The following KHDRBS2 variants were observed in gnomAD, a reference collection of about 807,000 sequenced individuals.
KHDRBS2 encodes the protein KH RNA binding domain containing, signal transduction associated 2.
In KHDRBS2, 26 loss-of-function variants were observed where a neutral mutation model predicts 44.3. The ratio of observed to expected loss-of-function variants is 0.59; its 90% CI spans 0.43 to 0.81. KHDRBS2 has a LOEUF of 0.81. Ranked by LOEUF, KHDRBS2 falls within the 40% of genes least tolerant of loss-of-function variation. The pLI, the probability that KHDRBS2 is intolerant of heterozygous loss-of-function variation, is 0.00. For missense variants in KHDRBS2, 476 were observed against 433.1 expected, an observed-to-expected ratio of 1.10 and a Z score of -0.88; for synonymous variants, 194 against 151.1, an observed-to-expected ratio of 1.28 and a Z score of -2.08.
intron 3 of KHDRBS2, among the ~76,000 whole-genome samples, chr6:61,983,550 A>C (rs550870431): frequency 6.6e-6 from 1 of 152,084 alleles, no homozygotes; most frequent in Admixed American, 6.5e-5. Context: ...AATTCACCAA[A>C]ATTTATAGGT....
chr6:61,753,026 A>C (rs1182245678), intron 6 of KHDRBS2, among the ~76,000 whole-genome samples: 2 of 152,312 alleles, frequency 1.3e-5, no homozygotes, highest in Admixed American at 6.5e-5. Context: ...TTTATTCATA[A>C]GCATTTTATT....
chr6:62,026,034 T>C (rs559886512), intron 3 of KHDRBS2, among the ~76,000 whole-genome samples: 1 of 152,214 alleles, frequency 6.6e-6, no homozygotes, highest in South Asian at 2.1e-4. Context: ...AGTATTCAAA[T>C]TATTGATATT....
the KHDRBS2 span, among the ~76,000 whole-genome samples, chr6:61,592,924 C>T: frequency 1.3e-5 from 2 of 152,228 alleles, no homozygotes; most frequent in South Asian, 2.1e-4. Flanking sequence ...ACAGTTGAGT[C>T]CCATTCCAGG....
rs562586294 is a variant in KHDRBS2, at chr6:62,245,369, CA to C, written c.91+40488del. 1.6e-3 allele frequency among the ~76,000 whole-genome samples: 245 copies of C among 151,792 alleles called. 1 individual carries two copies. Among genetic ancestry groups the C allele is most frequent in the Non-Finnish European group, 2.6e-3 (179 of 67,900 alleles). ...CAAAGAAAATCCTGGCTTCACTACT[CA>C]AAAAAAACCTTTGTGGATTATGTGG... On this transcript the variant is annotated intron_variant, in intron 1 of 8. Transcript: ENST00000281156.
chr6:62,120,513 C>A (rs1180759530), intron 2 of KHDRBS2, among the ~76,000 whole-genome samples: 1 of 152,090 alleles, frequency 6.6e-6, no homozygotes, highest in Non-Finnish European at 1.5e-5. Context: ...GACCAAGTGG[C>A]AGCACTCAAC....
chr6:62,274,859 T>C (rs1475912063), intron 1 of KHDRBS2, among the ~76,000 whole-genome samples: 5 of 152,092 alleles, frequency 3.3e-5, no homozygotes, highest in Admixed American at 6.6e-5. Context: ...TAAGAACCAA[T>C]TGGGTCAAGT....
intron 2 of KHDRBS2, among the ~76,000 whole-genome samples, chr6:62,173,955 A>G (rs1820586949): frequency 1.3e-5 from 2 of 151,958 alleles, no homozygotes; most frequent in Non-Finnish European, 2.9e-5. Flanking sequence ...CAGCCAACAT[A>G]CTGAATGGGC....
In KHDRBS2 at chr6:62,260,703, T is replaced by C. The variant is rs553721270; in HGVS notation, c.91+25155A>G. 7.9e-5 allele frequency among the ~76,000 whole-genome samples: 12 copies of C among 152,054 alleles called. No individual in the cohort carries two copies. The East Asian group carries it at 2.3e-3, about 30-fold the overall frequency. ...AAATATATCTAACTCCGAAGCTACA[T>C]TTTACAGGAAAATCACTTTAGGAAG... is the stretch of plus-strand genomic sequence containing the variant. On this transcript the variant is annotated intron_variant, in intron 1 of 8. Transcript: ENST00000281156.
chr6:61,743,203 G>A (rs528204476), intron 6 of KHDRBS2, among the ~76,000 whole-genome samples: 4 of 152,062 alleles, frequency 2.6e-5, no homozygotes, highest in Non-Finnish European at 5.9e-5. Flanking sequence ...TAACAAGCAT[G>A]CATTGGGAGA....
At chr6:61,968,481 C>A (rs1458083237) in intron 4 of KHDRBS2, among the ~76,000 whole-genome samples, 2 of 151,904 alleles carry the variant, frequency 1.3e-5, no homozygotes, top group Non-Finnish European at 2.9e-5. Flanking sequence ...AATAGAACAG[C>A]CTTATGAATA....
At chr6:62,206,781 C>A (rs987158459) in intron 1 of KHDRBS2, among the ~76,000 whole-genome samples, 17 of 151,908 alleles carry the variant, frequency 1.1e-4, no homozygotes. Context: ...ATGACTCTTA[C>A]GTGGACAGTA....
chr6:62,008,272 G>T (rs1329638369), intron 3 of KHDRBS2, among the ~76,000 whole-genome samples: 2 of 152,024 alleles, frequency 1.3e-5, no homozygotes, highest in Non-Finnish European at 2.9e-5. Flanking sequence ...CACATGAGAG[G>T]AATTTTTTTT....
At chr6:61,674,590 C>G in the KHDRBS2 span, among the ~76,000 whole-genome samples, 1 of 151,734 alleles carries the variant, frequency 6.6e-6, no homozygotes, top group African/African-American at 2.4e-5. Context: ...GAAGATTCCA[C>G]TATCATTATT....
the KHDRBS2 span, among the ~76,000 whole-genome samples, chr6:61,625,843 T>C: frequency 5.9e-5 from 9 of 152,216 alleles, no homozygotes; most frequent in African/African-American, 1.7e-4. Context: ...AAAGTTCTCA[T>C]TGTGATTAAA....
intron 4 of KHDRBS2, among the ~76,000 whole-genome samples, chr6:61,975,258 T>C (rs1772333601): frequency 6.6e-6 from 1 of 152,190 alleles, no homozygotes; most frequent in Middle Eastern, 3.2e-3. Flanking sequence ...TTAATCCCTT[T>C]CGCAGAAGAA....
At chr6:61,748,299 A>C (rs1277189702) in intron 6 of KHDRBS2, among the ~76,000 whole-genome samples, 2 of 152,086 alleles carry the variant, frequency 1.3e-5, no homozygotes, top group Non-Finnish European at 2.9e-5. Flanking sequence ...TTAATATTCA[A>C]GTTTTTAAAT....
At chr6:62,182,490 T>G (rs1281454746) in intron 1 of KHDRBS2, among the ~76,000 whole-genome samples, 1 of 151,942 alleles carries the variant, frequency 6.6e-6, no homozygotes, top group African/African-American at 2.4e-5. Flanking sequence ...TAAATAAATG[T>G]AGTGGGATGA....
chr6:61,940,358 C>A (rs1309374240), intron 4 of KHDRBS2, among the ~76,000 whole-genome samples: 1 of 152,100 alleles, frequency 6.6e-6, no homozygotes, highest in Non-Finnish European at 1.5e-5. Flanking sequence ...GGTCCATATT[C>A]CCACCATGGA....
chr6:61,660,958 TA>T, the KHDRBS2 span, among the ~76,000 whole-genome samples: 1 of 151,854 alleles, frequency 6.6e-6, no homozygotes, highest in Admixed American at 6.6e-5. Context: ...GAACAAAATA[TA>T]TTTTTTTATT....
Sources: allele counts gnomAD v4.1 joint callset (sites outside exome capture counted in the v4.1 genomes callset), GRCh38; gene constraint gnomAD v4.1.1; transcripts MANE v1.5; gene names NCBI Gene and HGNC (gene_info 2026-07-23, HGNC 2026-07-21).